Variants in TAF3 observed in about 807,000 individuals in gnomAD.
The protein encoded by TAF3 is TATA-box binding protein associated factor 3.
TAF3 carries 7 observed loss-of-function variants against 80.6 expected under a neutral mutation model. The ratio of observed to expected loss-of-function variants is 0.09; its 90% CI spans 0.05 to 0.16. The LOEUF (loss-of-function observed/expected upper bound fraction) is 0.16, where lower values mean the gene tolerates loss of function less well. TAF3 is among the 10% of genes least tolerant of loss of function. The probability of loss-of-function intolerance (pLI) is 1.00; values close to 1 mark genes in which losing one functional copy is unlikely to be tolerated. For synonymous variants in TAF3, 444 were observed against 446.1 expected, an observed-to-expected ratio of 1.00 and a Z score of 0.06; for missense variants, 921 against 1,140.2, an observed-to-expected ratio of 0.81 and a Z score of 2.77.
chr10:7,949,018 GGCT>G (rs764087105), intron 2 of TAF3, among the ~76,000 whole-genome samples: 3 of 152,254 alleles, frequency 2.0e-5, no homozygotes, highest in Non-Finnish European at 4.4e-5. Context: ...AGCTGTGCCC[GGCT>G]GCTGCCGCCG....
rs980011372 is a variant in TAF3, at chr10:7,849,848, T to C, written c.409+25288T>C. On this transcript the variant is annotated intron_variant, in intron 2 of 6. Transcript: ENST00000344293. Reference sequence around the variant, plus strand: ...GCATGCACCACCATGTCTGTCTAATTTGTGTATTTTTTGTAGATACCAGGT... The same window carrying C: ...GCATGCACCACCATGTCTGTCTAATCTGTGTATTTTTTGTAGATACCAGGT... 5.3e-5 allele frequency among the ~76,000 whole-genome samples: 8 copies of C among 152,002 alleles called. No homozygotes were observed. In the East Asian group the frequency reaches 1.6e-3, roughly 29 times the overall value.
intron 2 of TAF3, among the ~76,000 whole-genome samples, chr10:7,842,928 G>A (rs972155216): frequency 3.9e-5 from 6 of 152,168 alleles, no homozygotes; most frequent in Non-Finnish European, 7.3e-5. Flanking sequence ...CTGAAGAAAC[G>A]CTTACAGTAC....
chr10:7,988,240 G>A (rs2131426300), intron 4 of TAF3, among the ~76,000 whole-genome samples: 1 of 152,096 alleles, frequency 6.6e-6, no homozygotes, highest in East Asian at 1.9e-4. Context: ...CTTGAGGCTG[G>A]GAGTTTGAGA....
rs1038085377 is a variant in TAF3 at position 7,937,292 on chromosome 10, T to C, written c.410-26628T>C. 7.9e-5 allele frequency among the ~76,000 whole-genome samples: 12 copies of C among 152,232 alleles called. 1 individual carries two copies. The highest frequency in any genetic ancestry group is 7.2e-4 in the Admixed American group (11 of 15,288). Reference sequence around the variant, plus strand: ...TCCTAATTGGCTGTATCATTTTGCATTTCCACTGGCAATGAATGAGAGTTC... The same window carrying C: ...TCCTAATTGGCTGTATCATTTTGCACTTCCACTGGCAATGAATGAGAGTTC... On this transcript the variant is annotated intron_variant, in intron 2 of 6. Transcript: ENST00000344293.
chr10:7,857,246 T>A (rs973778481), intron 2 of TAF3, among the ~76,000 whole-genome samples: 17 of 152,286 alleles, frequency 1.1e-4, no homozygotes, highest in Non-Finnish European at 1.3e-4. Flanking sequence ...CTCAGCTGTT[T>A]GTGTTCTTCA....
chr10:7,910,010 T>C lies in TAF3; in HGVS notation c.410-53910T>C, dbSNP rs117494206. 4.6e-4 allele frequency among the ~76,000 whole-genome samples: 70 copies of C among 152,382 alleles called. 1 individual carries two copies. In the East Asian group the frequency reaches 0.01, roughly 23 times the overall value. ...TCGTCTCCAGGTTACTTATAATTAATATAACATAAATGCTATGTAAATAGT... is the reference window on the plus strand; with the variant it reads ...TCGTCTCCAGGTTACTTATAATTAACATAACATAAATGCTATGTAAATAGT... On this transcript the variant is annotated intron_variant, in intron 2 of 6. Coordinates refer to ENST00000344293, the MANE Select transcript of TAF3 (RefSeq NM_031923.4).
chr10:7,918,532 C>T (rs1203133683), intron 2 of TAF3, among the ~76,000 whole-genome samples: 1 of 152,050 alleles, frequency 6.6e-6, no homozygotes, highest in Non-Finnish European at 1.5e-5. Flanking sequence ...GAGCTGGGAG[C>T]ATGACGGGAA....
chr10:7,951,912 A>G (rs1036994173), intron 2 of TAF3, among the ~76,000 whole-genome samples: 4 of 152,098 alleles, frequency 2.6e-5, no homozygotes, highest in Admixed American at 6.5e-5. Context: ...TTCTGTTTCT[A>G]TTGTTTCACT....
chr10:7,997,150 A>C (rs1038956612), intron 4 of TAF3, among the ~76,000 whole-genome samples: 3 of 152,210 alleles, frequency 2.0e-5, no homozygotes, highest in Non-Finnish European at 4.4e-5. Flanking sequence ...CCAAATGTTG[A>C]ACTTCCTGTT....
intron 2 of TAF3, among the ~76,000 whole-genome samples, chr10:7,852,119 T>G (rs10905238): frequency 0.047 from 7,127 of 151,724 alleles, 300 homozygotes; most frequent in Admixed American, 0.11. Flanking sequence ...GGGTCTCACT[T>G]TGTTGCCCAG....
chr10:7,893,411 G>A (rs1202172458), intron 2 of TAF3, among the ~76,000 whole-genome samples: 1 of 152,218 alleles, frequency 6.6e-6, no homozygotes, highest in African/African-American at 2.4e-5. Flanking sequence ...AAACAGAGAA[G>A]AAGCAGGGAG....
At chr10:7,910,087 G>GT (rs922891966) in intron 2 of TAF3, among the ~76,000 whole-genome samples, 7 of 152,004 alleles carry the variant, frequency 4.6e-5, no homozygotes, top group Non-Finnish European at 7.4e-5. Context: ...ACTTTTATTG[G>GT]TTTTTTCCCC....
At chr10:7,857,185 G>T (rs1010209197) in intron 2 of TAF3, among the ~76,000 whole-genome samples, 19 of 152,196 alleles carry the variant, frequency 1.2e-4, no homozygotes, top group Admixed American at 2.6e-4. Context: ...TGATATGAGT[G>T]ACTTTTTTGC....
At chr10:7,850,448 G>A (rs1378810171) in intron 2 of TAF3, among the ~76,000 whole-genome samples, 1 of 152,146 alleles carries the variant, frequency 6.6e-6, no homozygotes, top group East Asian at 1.9e-4. Flanking sequence ...GGCTGAGGTG[G>A]ACAGACCACT....
In TAF3 at chr10:8,014,882, G is replaced by A; in HGVS notation, c.*131G>A. 1.3e-6 allele frequency: 1 copy of A among 792,484 alleles called. No homozygotes were observed. Among genetic ancestry groups the A allele is most frequent in the Non-Finnish European group, 2.0e-6 (1 of 504,760 alleles). 49.1% of individuals were successfully genotyped at this position (792,484 alleles called of 1,614,324 possible). On this transcript the variant is annotated 3_prime_UTR_variant, in exon 7 of 7. Transcript: ENST00000344293. ...TGTGGATAAAGAACCCAGGAGGACTGAGGCTGGAACACACCGCGCACCTGG... is the reference window on the plus strand; with the variant it reads ...TGTGGATAAAGAACCCAGGAGGACTAAGGCTGGAACACACCGCGCACCTGG...
Position 7,841,053 on chromosome 10 carries a change from G to A in TAF3, c.409+16493G>A, listed in dbSNP as rs113820985. 6.6e-5 allele frequency among the ~76,000 whole-genome samples: 10 copies of A among 152,280 alleles called. No individual in the cohort carries two copies. The East Asian group carries it at 1.2e-3, about 18-fold the overall frequency. ...TTTAGTAGAGAGGGGGTTTCACCAT[G>A]TTGGCCAGGCTGGTCTGGAACTCCT... On this transcript the variant is annotated intron_variant, in intron 2 of 6. Transcript: ENST00000344293.
At chr10:7,952,324 T>C (rs909977446) in intron 2 of TAF3, among the ~76,000 whole-genome samples, 1 of 152,226 alleles carries the variant, frequency 6.6e-6, no homozygotes, top group African/African-American at 2.4e-5. Context: ...GTAATCATAG[T>C]TGAACCAAGA....
At chr10:7,858,045 C>G (rs561443078) in intron 2 of TAF3, among the ~76,000 whole-genome samples, 2 of 151,212 alleles carry the variant, frequency 1.3e-5, no homozygotes, top group Non-Finnish European at 2.9e-5. Flanking sequence ...GAGGTTTGAA[C>G]GGCCTCAGTA....
Position 7,852,058 on chromosome 10 carries a change from A to G in TAF3, c.409+27498A>G, listed in dbSNP as rs146652688. On this transcript the variant is annotated intron_variant, in intron 2 of 6. Transcript: ENST00000344293. ...CTCAGCATCTCAAAGCACTGGGATT[A>G]TAAGTCTGAGCCACCATGCCAAGCC... Among the ~76,000 whole-genome samples, 74 of 152,104 alleles carry G rather than the reference A, an allele frequency of 4.9e-4. 1 individual carries two copies. The East Asian group carries it at 0.013, about 26-fold the overall frequency.
Sources: gnomAD v4.1 joint callset for allele counts (sites outside exome capture counted in the v4.1 genomes callset) on GRCh38, gnomAD v4.1.1 for gene constraint, MANE v1.5 for transcripts, NCBI Gene and HGNC (gene_info 2026-07-23, HGNC 2026-07-21) for gene names.